The following ZNF638 variants were observed in gnomAD, a reference collection of about 807,000 sequenced individuals.
ZNF638 encodes zinc finger protein 638.
ZNF638 carries 46 observed loss-of-function variants against 195.6 expected under a neutral mutation model. The ratio of observed to expected loss-of-function variants is 0.24; its 90% CI spans 0.19 to 0.30. ZNF638 has a LOEUF of 0.30. Ranked by LOEUF, ZNF638 falls within the 10% of genes least tolerant of loss-of-function variation. The pLI is 1.00. For synonymous variants in ZNF638, 845 were observed against 772.0 expected (o/e 1.09, Z -1.57); for missense variants, 2,440 against 2,325.3 (o/e 1.05, Z -1.01).
In ZNF638 at chr2:71,348,489, T is replaced by C. The variant is rs2078889225; in HGVS notation, c.-202-264T>C. The C allele has an allele frequency of 7.7e-6, 8 of 1,039,114 alleles. No homozygotes were observed. In the South Asian group the frequency reaches 2.0e-4, roughly 26 times the overall value. 64.4% of individuals were successfully genotyped at this position (1,039,114 alleles called of 1,614,324 possible). A position where few individuals can be genotyped will look rare whatever the true frequency, so the allele number is the denominator to read the frequency against. ...ATTATGTAAAAGGAGTTGTAATTAC[T>C]GCTCAGCACCTAGGACAGCACCCAG... On this transcript the variant is annotated intron_variant, in intron 1 of 27. Transcript: ENST00000264447.
chr2:71,410,589 T>C (rs951437699), intron 20 of ZNF638, among the ~76,000 whole-genome samples: 34 of 152,178 alleles, frequency 2.2e-4, no homozygotes, highest in African/African-American at 7.5e-4. Flanking sequence ...GAACATTGTT[T>C]CAATGTCCTA....
chr2:71,423,974 C>A lies in ZNF638; in HGVS notation c.4460C>A (p.Thr1487Lys). ...TCTAAACTGGATTACAGAGATATAA[C>A]AAAACAATCTCAGGAAACAGAGGCT... Reference protein sequence around the residue: ...KLSKLDYRDITKQSQETEARP... With the variant: ...KLSKLDYRDIKKQSQETEARP... The change falls in exon 22 of 28, where the codon ACA becomes AAA. Residue 1487 changes from threonine to lysine, a missense_variant. Coordinates refer to ENST00000264447, the MANE Select transcript of ZNF638 (RefSeq NM_014497.5). 2 of 1,614,036 alleles carry A rather than the reference C, an allele frequency of 1.2e-6. No homozygotes were observed. Among genetic ancestry groups the A allele is most frequent in the Non-Finnish European group, 1.7e-6 (2 of 1,179,988 alleles).
intron 27 of ZNF638, 99 bp from the exon 28 acceptor site, chr2:71,434,643 A>G: frequency 1.0e-6 from 1 of 954,632 alleles, no homozygotes; most frequent in Non-Finnish European, 1.6e-6. Flanking sequence ...ATTTTGTAGG[A>G]TCAGTTTCTT....
At position 71,431,412 on chromosome 2, in the gene ZNF638, G is replaced by A. The variant is rs371899704; in HGVS notation, c.5736G>A (p.Ala1912=). The part of the protein sequence containing the change: ...TEDSSSGKSV[A]SDVPEELDFL... The stretch of plus-strand genomic sequence containing the variant: ...ACTCTTCTTCAGGCAAATCAGTGGC[G>A]TCTGATGTCCCTGAGGGTAAAGTTA... Residue 1912 remains alanine (A), a synonymous_variant, in exon 26 of 28, where the codon GCG becomes GCA. Transcript: ENST00000264447. 1.2e-5 allele frequency: 20 copies of A among 1,613,706 alleles called. No homozygotes were observed. Among genetic ancestry groups the A allele is most frequent in the African/African-American group, 4.0e-5 (3 of 74,922 alleles).
At chr2:71,361,947 G>A (rs758846540) in intron 3 of ZNF638, among the ~76,000 whole-genome samples, 9 of 152,174 alleles carry the variant, frequency 5.9e-5, no homozygotes, top group Non-Finnish European at 1.2e-4. Flanking sequence ...TCGACCTAAC[G>A]TTATTTTCCT....
At chr2:71,369,465 CTCTG>C (rs1241403027) in intron 7 of ZNF638, among the ~76,000 whole-genome samples, 1 of 152,112 alleles carries the variant, frequency 6.6e-6, no homozygotes, top group Non-Finnish European at 1.5e-5. Flanking sequence ...ATAGCAAGAC[CTCTG>C]TCTTAATTTT....
intron 2 of ZNF638, among the ~76,000 whole-genome samples, chr2:71,355,495 T>C (rs2079009749): frequency 6.6e-6 from 1 of 152,252 alleles, no homozygotes; most frequent in African/African-American, 2.4e-5. Flanking sequence ...ATGTTTTCTG[T>C]ACTAAAATAT....
intron 1 of ZNF638, among the ~76,000 whole-genome samples, chr2:71,346,450 A>G (rs57901377): frequency 0.013 from 1,973 of 152,312 alleles, 39 homozygotes; most frequent in African/African-American, 0.042. Flanking sequence ...TGCAGCTTGT[A>G]TCTGGTGAAT....
intron 10 of ZNF638, among the ~76,000 whole-genome samples, chr2:71,382,718 A>G (rs1215541194): frequency 6.6e-6 from 1 of 152,224 alleles, no homozygotes; most frequent in East Asian, 1.9e-4. Flanking sequence ...TTGAGGTGAC[A>G]AATATTAAAT....
intron 2 of ZNF638, among the ~76,000 whole-genome samples, chr2:71,352,840 C>G (rs543121598): frequency 5.5e-4 from 83 of 152,082 alleles, no homozygotes; most frequent in Non-Finnish European, 1.0e-3. Flanking sequence ...TGGTAAAAAC[C>G]TGGGTTAATA....
At chr2:71,402,186 A>C in intron 16 of ZNF638, 99 bp downstream of exon 16, 2 of 1,269,048 alleles carry the variant, frequency 1.6e-6, no homozygotes, top group South Asian at 3.3e-5. Context: ...TAAAAGCAGT[A>C]TCTCAAAGTA....
At chr2:71,333,184 C>T (rs2078603819) in intron 1 of ZNF638, 1 of 152,158 alleles carries the variant, frequency 6.6e-6, no homozygotes, top group South Asian at 2.1e-4. Context: ...ACTTATGTTG[C>T]TGTCTTTTAA....
intron 11 of ZNF638, among the ~76,000 whole-genome samples, chr2:71,398,117 A>G (rs1418274787): frequency 1.3e-5 from 2 of 152,194 alleles, no homozygotes; most frequent in East Asian, 1.9e-4. Flanking sequence ...TTTAACTTGC[A>G]TGAATGCTAT....
chr2:71,354,061 A>G (rs1484455397), intron 2 of ZNF638, among the ~76,000 whole-genome samples: 1 of 152,232 alleles, frequency 6.6e-6, no homozygotes, highest in East Asian at 1.9e-4. Context: ...AGCATTGCAA[A>G]TCAGTGTACC....
chr2:71,404,723 A>G (rs913566673), intron 17 of ZNF638, among the ~76,000 whole-genome samples: 3 of 152,156 alleles, frequency 2.0e-5, no homozygotes, highest in African/African-American at 7.2e-5. Flanking sequence ...TCTCTAAAAC[A>G]AACAGACCTC....
intron 1 of ZNF638, among the ~76,000 whole-genome samples, chr2:71,338,039 CCAGGATATCAGATCT>C (rs562043674): frequency 2.1e-3 from 327 of 152,202 alleles, no homozygotes; most frequent in Non-Finnish European, 3.8e-3. Context: ...TGCTATGTCC[CCAGGATATCAGATCT>C]GGAGATTTAC....
chr2:71,368,845 C>T (rs1385321246), intron 7 of ZNF638, among the ~76,000 whole-genome samples: 1 of 152,222 alleles, frequency 6.6e-6, no homozygotes, highest in South Asian at 2.1e-4. Flanking sequence ...GCAAGCATGG[C>T]TGTGTCCAAA....
chr2:71,395,138 A>T (rs1573112419), intron 10 of ZNF638: 1 of 677,438 alleles, frequency 1.5e-6, no homozygotes, highest in East Asian at 2.7e-5. Flanking sequence ...AAACAGTTAT[A>T]TGGAAGGATG....
intron 8 of ZNF638, chr2:71,373,849 G>C (rs753247124): frequency 1.3e-5 from 2 of 151,858 alleles, no homozygotes; most frequent in Non-Finnish European, 2.9e-5. Flanking sequence ...TTGAGACAAG[G>C]TCTCACTCTA....
Sources: allele counts gnomAD v4.1 joint callset (sites outside exome capture counted in the v4.1 genomes callset), GRCh38; gene constraint gnomAD v4.1.1; transcripts MANE v1.5; gene names NCBI Gene and HGNC (gene_info 2026-07-23, HGNC 2026-07-21).